ARHGAP44: variants seen among roughly 807,000 people sequenced by gnomAD.
ARHGAP44 encodes rho GTPase-activating protein 44.
A neutral mutation model predicts 106.8 loss-of-function variants in ARHGAP44; 43 were observed. That is an observed-to-expected ratio of 0.40 (90% confidence interval 0.32 to 0.52). The LOEUF is 0.52. Among genes scored for constraint, ARHGAP44 ranks in the 20% least tolerant of loss-of-function variants. The pLI is 0.48. For synonymous variants in ARHGAP44, 439 were observed against 410.3 expected, an observed-to-expected ratio of 1.07 and a Z score of -0.85; for missense variants, 866 against 1,050.5, an observed-to-expected ratio of 0.82 and a Z score of 2.43.
intron 1 of ARHGAP44, among the ~76,000 whole-genome samples, chr17:12,832,026 T>C (rs1401938289): frequency 6.6e-6 from 1 of 152,156 alleles, no homozygotes. Context: ...AGTGCTCTGA[T>C]TGTAACTGCC....
intron 7 of ARHGAP44, among the ~76,000 whole-genome samples, chr17:12,940,423 G>A (rs758773302): frequency 3.9e-5 from 6 of 152,162 alleles, no homozygotes; most frequent in Admixed American, 2.6e-4. Context: ...TTTCAATGCA[G>A]CATTGGGTCA....
chr17:12,819,317 A>G (rs1230766205), intron 1 of ARHGAP44, among the ~76,000 whole-genome samples: 1 of 151,918 alleles, frequency 6.6e-6, no homozygotes, highest in Non-Finnish European at 1.5e-5. Flanking sequence ...AATATGCCAT[A>G]ATTTGTTTAT....
intron 1 of ARHGAP44, among the ~76,000 whole-genome samples, chr17:12,884,882 T>C (rs1310581748): frequency 6.6e-6 from 1 of 151,804 alleles, no homozygotes. Context: ...TCCTATATCT[T>C]GCTAAGCATT....
intron 1 of ARHGAP44, among the ~76,000 whole-genome samples, chr17:12,806,932 A>C (rs928467974): frequency 6.6e-6 from 1 of 152,198 alleles, no homozygotes; most frequent in Non-Finnish European, 1.5e-5. Context: ...AAAACAAAAA[A>C]TATTTGATTG....
At chr17:12,921,755 C>A (rs2038092067) in intron 6 of ARHGAP44, among the ~76,000 whole-genome samples, 1 of 152,174 alleles carries the variant, frequency 6.6e-6, no homozygotes, top group African/African-American at 2.4e-5. Flanking sequence ...CCCAGAATAT[C>A]ATTTTCTTCA....
chr17:12,982,642 T>C (rs1170153293), intron 19 of ARHGAP44: 2 of 152,246 alleles, frequency 1.3e-5, no homozygotes, highest in African/African-American at 2.4e-5. Context: ...TATTATGTCA[T>C]GATTATGTGG....
At chr17:12,793,327 T>C (rs1218021953) in intron 1 of ARHGAP44, among the ~76,000 whole-genome samples, 1 of 152,238 alleles carries the variant, frequency 6.6e-6, no homozygotes, top group Non-Finnish European at 1.5e-5. Flanking sequence ...CATATGTACC[T>C]TTATTAGATG....
intron 4 of ARHGAP44, among the ~76,000 whole-genome samples, chr17:12,911,153 T>C (rs73296317): frequency 7.8e-4 from 118 of 151,938 alleles, no homozygotes; most frequent in African/African-American, 2.7e-3. Flanking sequence ...TGGAATAAAC[T>C]CAACTGTTCA....
Position 12,972,399 on chromosome 17 carries a change from GC to G in ARHGAP44, c.1524-902del, listed in dbSNP as rs367913574. ...GTGGTGGCTCACACCTGTAATCCCA[GC>G]ACTTTGGGAGGCTGAGGCGAATGGA... On this transcript the variant is annotated intron_variant, in intron 16 of 20. Transcript: ENST00000379672. Among the ~76,000 whole-genome samples, 135 of 152,160 alleles carry G rather than the reference GC, an allele frequency of 8.9e-4. 1 individual carries two copies. Among genetic ancestry groups the G allele is most frequent in the African/African-American group, 2.9e-3 (121 of 41,548 alleles).
intron 18 of ARHGAP44, among the ~76,000 whole-genome samples, chr17:12,978,090 T>C (rs2039739918): frequency 7.3e-6 from 1 of 137,730 alleles, no homozygotes; most frequent in Non-Finnish European, 1.5e-5. Flanking sequence ...AAGGAAGAGC[T>C]CATTCCTAGA....
At position 12,789,765 on chromosome 17, in the gene ARHGAP44, A is replaced by C. The variant is rs1174924592; in HGVS notation, c.-74A>C. On this transcript the variant is annotated 5_prime_UTR_variant, in exon 1 of 21. It removes an upstream start codon present in the reference 5' UTR. Transcript: ENST00000379672. Reference sequence around the variant, plus strand: ...GCCCGGGAGGCTCCGCGCGGGAGCCATGTAACCCTGCGGCGGGCTCCGGGC... The same window carrying C: ...GCCCGGGAGGCTCCGCGCGGGAGCCCTGTAACCCTGCGGCGGGCTCCGGGC... 8.8e-6 allele frequency: 12 copies of C among 1,370,976 alleles called. No individual in the cohort carries two copies. The highest frequency in any genetic ancestry group is 3.6e-5 in the Admixed American group (1 of 27,568). The allele number at this position is 1,370,976 out of a possible 1,614,324, so 84.9% of individuals were successfully genotyped here. A position where few individuals can be genotyped will look rare whatever the true frequency, so the allele number is the denominator to read the frequency against.
At chr17:12,807,055 G>T (rs1384606057) in intron 1 of ARHGAP44, among the ~76,000 whole-genome samples, 1 of 152,176 alleles carries the variant, frequency 6.6e-6, no homozygotes, top group African/African-American at 2.4e-5. Context: ...GTTTCATTTT[G>T]CAGCTTATAT....
At chr17:12,878,906 T>C (rs1754692170) in intron 1 of ARHGAP44, among the ~76,000 whole-genome samples, 1 of 152,252 alleles carries the variant, frequency 6.6e-6, no homozygotes, top group African/African-American at 2.4e-5. Context: ...AGCATAAATC[T>C]TTTTCCTTCA....
chr17:12,793,199 A>G (rs1369980175), intron 1 of ARHGAP44, among the ~76,000 whole-genome samples: 1 of 152,384 alleles, frequency 6.6e-6, no homozygotes, highest in South Asian at 2.1e-4. Context: ...CAGTGATAAC[A>G]TAGATAACCT....
chr17:12,941,048 T>C lies in ARHGAP44; in HGVS notation c.583-8T>C, dbSNP rs2038693553. On this transcript the variant is annotated splice_region_variant and splice_polypyrimidine_tract_variant and intron_variant, in intron 7 of 20. Transcript: ENST00000379672. The stretch of plus-strand genomic sequence containing the variant: ...TTTTACCTTGGTTGTATATTTTACC[T>C]TGCACAGGACCAGCTCTCAGCTGAT... The C allele has an allele frequency of 6.2e-7, 1 of 1,613,726 alleles. No individual in the cohort carries two copies. Among genetic ancestry groups the C allele is most frequent in the Admixed American group, 1.7e-5 (1 of 59,974 alleles).
At chr17:12,936,039 CTT>C (rs1200052680) in intron 7 of ARHGAP44, among the ~76,000 whole-genome samples, 3 of 152,146 alleles carry the variant, frequency 2.0e-5, no homozygotes, top group Non-Finnish European at 4.4e-5. Context: ...AATCAGTAAA[CTT>C]TATTTTTTAG....
At chr17:12,959,027 A>G in intron 16 of ARHGAP44, 130 bp downstream of exon 16, 1 of 1,130,686 alleles carries the variant, frequency 8.8e-7, no homozygotes, top group Non-Finnish European at 1.3e-6. Flanking sequence ...GACTCGTAGC[A>G]ATTAAACTGT....
intron 1 of ARHGAP44, among the ~76,000 whole-genome samples, chr17:12,873,898 A>T (rs2036472933): frequency 6.7e-6 from 1 of 150,166 alleles, no homozygotes; most frequent in African/African-American, 2.5e-5. Context: ...AGCAAAACTC[A>T]GTCTCAAAAA....
chr17:12,826,311 C>T (rs565738580), intron 1 of ARHGAP44, among the ~76,000 whole-genome samples: 1 of 152,192 alleles, frequency 6.6e-6, no homozygotes, highest in Admixed American at 6.5e-5. Flanking sequence ...AATTTGTTTT[C>T]TTGTAATTCA....
Sources: allele counts gnomAD v4.1 joint callset (sites outside exome capture counted in the v4.1 genomes callset), GRCh38; gene constraint gnomAD v4.1.1; transcripts MANE v1.5; gene names NCBI Gene and HGNC (gene_info 2026-07-23, HGNC 2026-07-21).